SGCZ: variants seen among roughly 807,000 people sequenced by gnomAD.
SGCZ encodes sarcoglycan zeta, also known as zeta-sarcoglycan.
SGCZ carries 40 observed loss-of-function variants against 41.3 expected under a neutral mutation model. The ratio of observed to expected loss-of-function variants is 0.97; its 90% CI spans 0.75 to 1.26. The LOEUF (loss-of-function observed/expected upper bound fraction) is 1.26. SGCZ is among the 50% of genes most tolerant of loss of function. The probability of loss-of-function intolerance (pLI) is 0.00; values close to 1 mark genes in which losing one functional copy is unlikely to be tolerated. For missense variants in SGCZ, 552 were observed against 369.8 expected (o/e 1.49, Z -4.04); for synonymous variants, 206 against 137.5 (o/e 1.50, Z -3.49).
At position 14,340,604 on chromosome 8, in the gene SGCZ, G is replaced by A. The variant is rs74675776; in HGVS notation, c.235-16400C>T. ...AAGTACTTGTAAGTACTTGACAAAC[G>A]TTCACTGAGGTTGAAAAAATGAGTT... On this transcript the variant is annotated intron_variant, in intron 2 of 7. Transcript: ENST00000382080. Among the ~76,000 whole-genome samples the A allele has an allele frequency of 1.2e-3, 177 of 152,066 alleles. 3 individuals carry two copies. In the East Asian group the frequency reaches 0.028, roughly 24 times the overall value.
intron 1 of SGCZ, among the ~76,000 whole-genome samples, chr8:14,973,052 G>C (rs559489884): frequency 2.6e-5 from 4 of 152,198 alleles, no homozygotes; most frequent in East Asian, 3.9e-4. Flanking sequence ...CTGTGTGCTG[G>C]ATATTTGCAT....
chr8:15,185,169 C>T (rs1221741583), intron 1 of SGCZ, among the ~76,000 whole-genome samples: 2 of 152,224 alleles, frequency 1.3e-5, no homozygotes, highest in Non-Finnish European at 2.9e-5. Flanking sequence ...CAAAGTTAGG[C>T]ATTAAAAGAT....
rs555663402 is a variant in SGCZ, at chr8:15,109,104, A to C, written c.39+128481T>G. On this transcript the variant is annotated intron_variant, in intron 1 of 7. Coordinates refer to ENST00000382080, the MANE Select transcript of SGCZ (RefSeq NM_139167.4). Reference sequence around the variant, plus strand: ...AAAACAAATATGCAAAAAATAAAACACACACACACACTCATAATAGAGACC... The same window carrying C: ...AAAACAAATATGCAAAAAATAAAACCCACACACACACTCATAATAGAGACC... 3.9e-5 allele frequency among the ~76,000 whole-genome samples: 6 copies of C among 152,258 alleles called. No individual in the cohort carries two copies. In the South Asian group the frequency reaches 1.2e-3, roughly 32 times the overall value.
chr8:14,130,948 G>A (rs1803022795), intron 5 of SGCZ, among the ~76,000 whole-genome samples: 1 of 152,088 alleles, frequency 6.6e-6, no homozygotes, highest in African/African-American at 2.4e-5. Context: ...CTATGTAAAT[G>A]GCACAGCTAG....
intron 1 of SGCZ, among the ~76,000 whole-genome samples, chr8:14,908,882 T>C (rs1157216448): frequency 1.3e-5 from 2 of 152,192 alleles, no homozygotes; most frequent in African/African-American, 2.4e-5. Flanking sequence ...ACGAATAGTT[T>C]GTTATTTAAT....
At chr8:14,505,769 T>C (rs1056270579) in intron 2 of SGCZ, among the ~76,000 whole-genome samples, 1 of 152,114 alleles carries the variant, frequency 6.6e-6, no homozygotes, top group South Asian at 2.1e-4. Flanking sequence ...TCATACTATA[T>C]ATATTTCCTA....
At chr8:14,422,848 G>C (rs1799671566) in intron 2 of SGCZ, among the ~76,000 whole-genome samples, 1 of 152,098 alleles carries the variant, frequency 6.6e-6, no homozygotes, top group Non-Finnish European at 1.5e-5. Context: ...GCAAAATAAT[G>C]AGACCTCGTC....
chr8:14,849,144 G>C (rs1013868027), intron 1 of SGCZ, among the ~76,000 whole-genome samples: 1 of 151,996 alleles, frequency 6.6e-6, no homozygotes, highest in Non-Finnish European at 1.5e-5. Context: ...TCACATACTA[G>C]AATATCTAAA....
chr8:14,133,700 C>T (rs1310036841), intron 5 of SGCZ, among the ~76,000 whole-genome samples: 2 of 151,874 alleles, frequency 1.3e-5, no homozygotes, highest in Admixed American at 6.6e-5. Flanking sequence ...TTGCTGTAAA[C>T]CTTTGACTCT....
intron 1 of SGCZ, among the ~76,000 whole-genome samples, chr8:14,839,814 C>G (rs551845680): frequency 1.1e-3 from 169 of 152,180 alleles, no homozygotes; most frequent in Admixed American, 3.6e-3. Flanking sequence ...ATTTATGTAT[C>G]TATTACTTCA....
intron 2 of SGCZ, among the ~76,000 whole-genome samples, chr8:14,517,360 G>T (rs754587861): frequency 6.6e-6 from 1 of 152,064 alleles, no homozygotes; most frequent in Non-Finnish European, 1.5e-5. Context: ...AGCAAACTTT[G>T]TAACATCTAA....
intron 3 of SGCZ, among the ~76,000 whole-genome samples, chr8:14,287,290 G>A (rs1585321993): frequency 6.6e-6 from 1 of 151,664 alleles, no homozygotes; most frequent in African/African-American, 2.4e-5. Flanking sequence ...GAAAAGGTGG[G>A]TCATTTCAAT....
At chr8:14,456,452 C>T (rs1013521728) in intron 2 of SGCZ, among the ~76,000 whole-genome samples, 1 of 151,974 alleles carries the variant, frequency 6.6e-6, no homozygotes, top group Non-Finnish European at 1.5e-5. Flanking sequence ...AGGAAAAGTT[C>T]ATGACATGTA....
At chr8:15,158,964 C>T (rs1344589607) in intron 1 of SGCZ, among the ~76,000 whole-genome samples, 1 of 152,094 alleles carries the variant, frequency 6.6e-6, no homozygotes, top group African/African-American at 2.4e-5. Flanking sequence ...TCCTAAAATC[C>T]TTAAAATCTC....
At chr8:14,748,158 C>G (rs1338567304) in intron 1 of SGCZ, among the ~76,000 whole-genome samples, 1 of 152,066 alleles carries the variant, frequency 6.6e-6, no homozygotes, top group African/African-American at 2.4e-5. Flanking sequence ...TTGTATTAAG[C>G]TCTTCTAATA....
intron 1 of SGCZ, among the ~76,000 whole-genome samples, chr8:15,026,251 G>A (rs562103827): frequency 1.3e-5 from 2 of 152,162 alleles, no homozygotes; most frequent in South Asian, 2.1e-4. Context: ...TTTGAAAAAT[G>A]TGTTCAATCT....
chr8:14,365,683 G>C (rs1803678443), intron 2 of SGCZ, among the ~76,000 whole-genome samples: 1 of 151,996 alleles, frequency 6.6e-6, no homozygotes. Flanking sequence ...AGAAATAATG[G>C]ATATACTTTA....
chr8:14,579,306 A>C (rs558127925), intron 1 of SGCZ, among the ~76,000 whole-genome samples: 61 of 152,350 alleles, frequency 4.0e-4, no homozygotes, highest in African/African-American at 1.3e-3. Flanking sequence ...TATAAAATAC[A>C]AACTGAAATA....
chr8:15,172,152 C>CTGT (rs1799851506), intron 1 of SGCZ, among the ~76,000 whole-genome samples: 1 of 70,560 alleles, frequency 1.4e-5, no homozygotes, highest in African/African-American at 5.4e-5. Flanking sequence ...CTTTTATACT[C>CTGT]TGTTTTTTTT....
Sources: allele counts gnomAD v4.1 joint callset (sites outside exome capture counted in the v4.1 genomes callset), GRCh38; gene constraint gnomAD v4.1.1; transcripts MANE v1.5; gene names NCBI Gene and HGNC (gene_info 2026-07-23, HGNC 2026-07-21).